The following GREB1 variants were observed in gnomAD, a reference collection of about 807,000 sequenced individuals.
GREB1 encodes growth regulating estrogen receptor binding 1.
GREB1 carries 106 observed loss-of-function variants against 200.7 expected under a neutral mutation model. That is an observed-to-expected ratio of 0.53 (90% CI 0.45 to 0.62). GREB1 has a LOEUF of 0.62. GREB1 is among the 20% of genes least tolerant of loss of function. The pLI is 0.00. For synonymous variants in GREB1, 1,132 were observed against 1,092.4 expected, an observed-to-expected ratio of 1.04 and a Z score of -0.72; for missense variants, 2,243 against 2,556.8, an observed-to-expected ratio of 0.88 and a Z score of 2.65.
At chr2:11,503,361 A>G (rs959035316) in intron 1 of GREB1, among the ~76,000 whole-genome samples, 1 of 152,110 alleles carries the variant, frequency 6.6e-6, no homozygotes, top group Non-Finnish European at 1.5e-5. Context: ...GATGTAGTTC[A>G]TTTTAGCTAA....
intron 1 of GREB1, among the ~76,000 whole-genome samples, chr2:11,523,614 A>G (rs1218384624): frequency 6.6e-6 from 1 of 152,098 alleles, no homozygotes; most frequent in Non-Finnish European, 1.5e-5. Context: ...GTTCTAAGCT[A>G]TATTTTGGAT....
At chr2:11,630,950 G>C (rs189071231) in intron 26 of GREB1, among the ~76,000 whole-genome samples, 2 of 152,230 alleles carry the variant, frequency 1.3e-5, no homozygotes, top group African/African-American at 4.8e-5. Flanking sequence ...GTTGCCCCTG[G>C]CCTTTCAGAT....
chr2:11,560,542 A>G (rs1676903039), intron 2 of GREB1, among the ~76,000 whole-genome samples: 1 of 152,090 alleles, frequency 6.6e-6, no homozygotes, highest in Non-Finnish European at 1.5e-5. Context: ...CTCTACTAAA[A>G]ATACAAAAAT....
chr2:11,557,207 C>T (rs982478635), intron 2 of GREB1, among the ~76,000 whole-genome samples: 1 of 152,152 alleles, frequency 6.6e-6, no homozygotes, highest in Non-Finnish European at 1.5e-5. Flanking sequence ...CAAAAGCAAA[C>T]ATTATAAATT....
At chr2:11,533,774 A>G (rs1253278838), upstream of GREB1, among the ~76,000 whole-genome samples, 1 of 152,210 alleles carries the variant, frequency 6.6e-6, no homozygotes, top group Non-Finnish European at 1.5e-5. Flanking sequence ...CATATTTTCT[A>G]AACTAGAATC....
intron 6 of GREB1, among the ~76,000 whole-genome samples, chr2:11,579,439 GAATT>G (rs143466129): frequency 0.067 from 10,140 of 152,324 alleles, 330 homozygotes; most frequent in Middle Eastern, 0.13. Flanking sequence ...GCAATTGTAA[GAATT>G]AAATAAGGCG....
chr2:11,491,015 G>T (rs1301559749), intron 1 of GREB1, among the ~76,000 whole-genome samples: 4 of 152,172 alleles, frequency 2.6e-5, no homozygotes, highest in African/African-American at 9.7e-5. Flanking sequence ...TTGTATGGGG[G>T]TTCCAGTTTC....
At chr2:11,535,224 C>T (rs1674236316) in intron 1 of GREB1, among the ~76,000 whole-genome samples, 1 of 152,166 alleles carries the variant, frequency 6.6e-6, no homozygotes, top group South Asian at 2.1e-4. Flanking sequence ...TGCATTTCCT[C>T]AGGGCCAGTT....
rs575264474 is a variant in GREB1, at chr2:11,493,589, C to T, written c.-159+11208C>T. Among the ~76,000 whole-genome samples the T allele has an allele frequency of 3.3e-5, 5 of 152,142 alleles. No individual in the cohort carries two copies. Among genetic ancestry groups the T allele is most frequent in the East Asian group, 3.9e-4 (2 of 5,192 alleles). On this transcript the variant is annotated intron_variant, in intron 1 of 2. Transcript: ENST00000628795. This position sits in a 1 kb window ranked among gnomAD's most constrained non-coding sequence, Gnocchi z 4.6. ...CATGGACCAGTACCAGTCTGTGGCCCGGGGACTGGGGACCCCTGAATTCGC... is the reference window on the plus strand; with the variant it reads ...CATGGACCAGTACCAGTCTGTGGCCTGGGGACTGGGGACCCCTGAATTCGC...
Position 11,566,462 on chromosome 2 carries a change from C to A in GREB1, c.278-18C>A, listed in dbSNP as rs751895287. ...GGGAAGCCCTGGGCAGCGTGTGAAC[C>A]CTGTCCACCCCTCCTAGGGTTTTGC... On this transcript the variant is annotated intron_variant, in intron 3 of 32. Coordinates refer to ENST00000381486, the MANE Select transcript of GREB1 (RefSeq NM_014668.4). The A allele has an allele frequency of 4.4e-6, 7 of 1,589,862 alleles. No homozygotes were observed. In the East Asian group the frequency reaches 9.0e-5, roughly 20 times the overall value.
At chr2:11,562,639 G>T (rs1398249964) in intron 3 of GREB1, 57 bp downstream of exon 3, 1 of 1,511,606 alleles carries the variant, frequency 6.6e-7, no homozygotes, top group African/African-American at 1.4e-5. Context: ...CGGAGGCAGT[G>T]GCCAGGCGGG....
chr2:11,495,707 G>A (rs1672864731), intron 1 of GREB1, among the ~76,000 whole-genome samples: 1 of 151,882 alleles, frequency 6.6e-6, no homozygotes, highest in African/African-American at 2.4e-5. Context: ...TGAGACAAGA[G>A]TTTGGACACA....
chr2:11,618,462 C>T lies in GREB1; in HGVS notation c.3587C>T (p.Pro1196Leu), dbSNP rs779200924. 6.2e-5 allele frequency: 99 copies of T among 1,605,368 alleles called. No homozygotes were observed. The highest frequency in any genetic ancestry group is 1.6e-4 in the Middle Eastern group (1 of 6,066). Residue 1196 changes from proline (P) to leucine (L), a missense_variant, in exon 22 of 33, where the codon CCG (proline) becomes CTG (leucine). By Grantham distance (98) the Pro-to-Leu change is moderately conservative. Transcript: ENST00000381486. ...PSAISRHSPG[P>L]TPQPDCSLRT... ...GCCATCAGCAGGCACAGTCCCGGGC[C>T]GACGCCCCAGCCCGACTGTAGCCTC...
Position 11,610,952 on chromosome 2 carries a change from G to T in GREB1, c.2931G>T (p.Glu977Asp), listed in dbSNP as rs1682867401. Residue 977 changes from glutamate (E) to aspartate (D), a missense_variant, in exon 18 of 33, where the codon GAG becomes GAT. Glu to Asp is a conservative substitution (Grantham distance 45, BLOSUM62 2). Around this residue, in one of 3 missense-constraint regions of GREB1, gnomAD observed 1,178 missense variants for 1,387.4 expected, o/e 0.85. Coordinates refer to ENST00000381486, the MANE Select transcript of GREB1 (RefSeq NM_014668.4). ...LAHVRARLAL[E>D]EHFEIILGSP... ...ACGTGCGGGCCCGGCTGGCGCTGGA[G>T]GAGCACTTTGAGATCATCCTGGGCA... 2 of 1,609,824 alleles carry T rather than the reference G, an allele frequency of 1.2e-6. No individual in the cohort carries two copies. The highest frequency in any genetic ancestry group is 2.2e-5 in the South Asian group (2 of 90,602).
Position 11,627,049 on chromosome 2 carries a change from C to G in GREB1, c.4394C>G (p.Thr1465Ser), listed in dbSNP as rs1279597189. Reference protein sequence around the residue: ...MRLSKYAAYNTYHHCEQCHQY... With the variant: ...MRLSKYAAYNSYHHCEQCHQY... ...CTGTCCAAGTACGCAGCGTACAACACTTACCACCACTGTGAGCAGTGCCAC... is the reference window on the plus strand; with the variant it reads ...CTGTCCAAGTACGCAGCGTACAACAGTTACCACCACTGTGAGCAGTGCCAC... The change falls in exon 25 of 33, where the codon ACT becomes AGT. Residue 1465 changes from threonine (T) to serine (S), a missense_variant. Thr to Ser is a moderately conservative substitution (Grantham distance 58). Coordinates refer to ENST00000381486, the MANE Select transcript of GREB1 (RefSeq NM_014668.4). 1 of 1,613,964 alleles carries G rather than the reference C, an allele frequency of 6.2e-7. No individual in the cohort carries two copies.
chr2:11,607,051 A>AAC (rs1682370355), intron 17 of GREB1, among the ~76,000 whole-genome samples: 1 of 151,920 alleles, frequency 6.6e-6, no homozygotes. Context: ...AAAGTGCTGG[A>AAC]ATTACAGGCG....
In GREB1 at chr2:11,638,708, T is replaced by A; in HGVS notation, c.5585T>A (p.Leu1862Ter). ...VCYVSSRPHS[L>*]NISCSDLLFS... ...TATGTGAGCTCCAGGCCCCACTCTT[T>A]AAACATCAGCTGCTCGGACTTGCTG... is the stretch of plus-strand genomic sequence containing the variant. Residue 1862 changes from leucine to a stop codon, truncating the protein, a stop_gained, in exon 32 of 33, where the codon TTA becomes TAA. Coordinates refer to ENST00000381486, the MANE Select transcript of GREB1 (RefSeq NM_014668.4). LOFTEE classifies it high-confidence loss of function. 3 of 1,614,162 alleles carry A rather than the reference T, an allele frequency of 1.9e-6. No homozygotes were observed. Among genetic ancestry groups the A allele is most frequent in the Non-Finnish European group, 2.5e-6 (3 of 1,179,958 alleles).
chr2:11,547,156 C>T (rs1457677039), intron 1 of GREB1, among the ~76,000 whole-genome samples: 3 of 152,018 alleles, frequency 2.0e-5, no homozygotes, highest in South Asian at 2.1e-4. Context: ...TTGGCCAGGG[C>T]GATGTCGAAC....
At chr2:11,508,764 A>G (rs952084487) in intron 1 of GREB1, among the ~76,000 whole-genome samples, 1 of 152,212 alleles carries the variant, frequency 6.6e-6, no homozygotes, top group African/African-American at 2.4e-5. Context: ...ATTGTTTGCC[A>G]GAATCTCCAC....
Sources: allele counts gnomAD v4.1 joint callset (sites outside exome capture counted in the v4.1 genomes callset), GRCh38; gene constraint gnomAD v4.1.1; regional missense constraint gnomAD v4.1.1; non-coding constraint Gnocchi (gnomAD v3.1); transcripts MANE v1.5; gene names NCBI Gene and HGNC (gene_info 2026-07-23, HGNC 2026-07-21).